Variants in PTDSS2 observed in about 807,000 individuals in gnomAD.
PTDSS2 encodes the protein phosphatidylserine synthase 2.
PTDSS2 carries 41 observed loss-of-function variants against 64.7 expected under a neutral mutation model. The observed-to-expected ratio is 0.63, with a 90% confidence interval of 0.49 to 0.82. The LOEUF (loss-of-function observed/expected upper bound fraction) is 0.82, where lower values mean the gene tolerates loss of function less well. Among genes scored for constraint, PTDSS2 ranks in the 40% least tolerant of loss-of-function variants. PTDSS2 has a pLI of 0.00. For synonymous variants in PTDSS2, 297 were observed against 277.8 expected (o/e 1.07, Z -0.69); for missense variants, 485 against 650.0 (o/e 0.75, Z 2.76).
intron 1 of PTDSS2, among the ~76,000 whole-genome samples, chr11:453,950 C>T (rs578018939): frequency 1.3e-5 from 2 of 152,352 alleles, no homozygotes; most frequent in Admixed American, 1.3e-4. Flanking sequence ...TGTGTCTGAT[C>T]ACAGGACATA....
At chr11:455,243 C>T (rs1312628353) in intron 1 of PTDSS2, among the ~76,000 whole-genome samples, 1 of 152,222 alleles carries the variant, frequency 6.6e-6, no homozygotes, top group African/African-American at 2.4e-5. Flanking sequence ...GTTAGCCTCC[C>T]TTAGGCTGGG....
chr11:488,812 A>G (rs1238676063), intron 8 of PTDSS2, among the ~76,000 whole-genome samples, 165 bp downstream of exon 8: 1 of 151,936 alleles, frequency 6.6e-6, no homozygotes, highest in African/African-American at 2.4e-5. Context: ...ACCTGGTGTC[A>G]CTCAAGCCCG....
chr11:486,384 C>T (rs770773331), intron 4 of PTDSS2, among the ~76,000 whole-genome samples: 20 of 152,310 alleles, frequency 1.3e-4, no homozygotes, highest in Non-Finnish European at 2.6e-4. Flanking sequence ...TGTCCTGAAG[C>T]GCACCTGTGC....
Position 490,730 on chromosome 11 carries a change from G to C in PTDSS2, c.*148G>C. The C allele has an allele frequency of 1.3e-6, 1 of 762,760 alleles. No homozygotes were observed. The highest frequency in any genetic ancestry group is 2.9e-5 in the Admixed American group (1 of 34,752). The allele number at this position is 762,760 out of a possible 1,614,324, so 47.2% of individuals were successfully genotyped here. A position where few individuals can be genotyped will look rare whatever the true frequency, so the allele number is the denominator to read the frequency against. On this transcript the variant is annotated 3_prime_UTR_variant, in exon 12 of 12. Transcript: ENST00000308020. ...GCACCTGGCGAGGCTGAAGGCGAGG[G>C]GTGGAGGAGGCCCCAGCACAGCCTC...
In PTDSS2 at chr11:479,581, G is replaced by A. The variant is rs554104657; in HGVS notation, c.435+429G>A. The A allele has an allele frequency of 8.9e-6, 2 of 225,358 alleles. No individual in the cohort carries two copies. Among genetic ancestry groups the A allele is most frequent in the African/African-American group, 4.7e-5 (2 of 42,908 alleles). The allele number at this position is 225,358 out of a possible 1,614,324, so 14.0% of individuals were successfully genotyped here. ...AAGGGAGCCGCAAGTCAGGTCCTGC[G>A]ATGCAGGCCAGCGTCTGCATGGCCG... is the stretch of plus-strand genomic sequence containing the variant. On this transcript the variant is annotated intron_variant, in intron 4 of 11. Transcript: ENST00000308020. The surrounding 1 kb of genome is among the most constrained non-coding windows in gnomAD (Gnocchi z 4.2).
chr11:489,364 C>T, intron 8 of PTDSS2, 36 bp from the exon 9 acceptor site: 2 of 1,579,402 alleles, frequency 1.3e-6, no homozygotes, highest in East Asian at 2.2e-5. Flanking sequence ...GTTCGGTGGG[C>T]TGCCTTCCTC....
chr11:479,066 C>T lies in PTDSS2; in HGVS notation c.368-19C>T, dbSNP rs372306156. ...GGCCTGGACCGGGCGCACTAACGTT[C>T]TGTCGTCTGTCTTTGTAGCTTACTG... is the stretch of plus-strand genomic sequence containing the variant. On this transcript the variant is annotated intron_variant, in intron 3 of 11. Transcript: ENST00000308020. The surrounding 1 kb of genome is among the most constrained non-coding windows in gnomAD (Gnocchi z 4.2). 3.8e-5 allele frequency: 62 copies of T among 1,612,918 alleles called. No homozygotes were observed. Among genetic ancestry groups the T allele is most frequent in the Non-Finnish European group, 5.1e-5 (60 of 1,178,954 alleles).
intron 3 of PTDSS2, among the ~76,000 whole-genome samples, chr11:478,476 G>A (rs1273664869): frequency 6.6e-6 from 1 of 151,638 alleles, no homozygotes; most frequent in African/African-American, 2.4e-5. Flanking sequence ...GCCAGCCACA[G>A]TAGCTCACAC....
At chr11:490,210 C>A in intron 11 of PTDSS2, 142 bp downstream of exon 11, 1 of 1,155,406 alleles carries the variant, frequency 8.7e-7, no homozygotes, top group Non-Finnish European at 1.2e-6. Context: ...AGGCGCCTTT[C>A]CTGACCCAGC....
chr11:468,892 GTC>G (rs1368363503), intron 2 of PTDSS2, among the ~76,000 whole-genome samples: 1 of 149,710 alleles, frequency 6.7e-6, no homozygotes, highest in African/African-American at 2.5e-5. Context: ...AAGGAGGGGA[GTC>G]TCTGGGTAAT....
At chr11:458,627 T>G (rs1468481469) in intron 1 of PTDSS2, 1 of 145,518 alleles carries the variant, frequency 6.9e-6, no homozygotes, top group Admixed American at 7.1e-5. Flanking sequence ...ATCTGCCACC[T>G]CCCGAGTAGC....
At position 460,062 on chromosome 11, in the gene PTDSS2, T is replaced by G; in HGVS notation, c.183-125T>G. The G allele has an allele frequency of 1.4e-6, 1 of 700,024 alleles. No homozygotes were observed. Among genetic ancestry groups the G allele is most frequent in the Non-Finnish European group, 2.5e-6 (1 of 397,630 alleles). The allele number at this position is 700,024 out of a possible 1,614,324, so 43.4% of individuals were successfully genotyped here. On this transcript the variant is annotated intron_variant, in intron 1 of 11. Coordinates refer to ENST00000308020, the MANE Select transcript of PTDSS2 (RefSeq NM_030783.3). This position sits in a 1 kb window ranked among gnomAD's most constrained non-coding sequence, Gnocchi z 5.8. ...CTAGGGACTCGCAGCCAGTTGCTGG[T>G]TGGGAGTTGGAGAGTGGAGTTTAAG...
Position 479,399 on chromosome 11 carries a change from G to C in PTDSS2, c.435+247G>C. On this transcript the variant is annotated intron_variant, in intron 4 of 11. Coordinates refer to ENST00000308020, the MANE Select transcript of PTDSS2 (RefSeq NM_030783.3). The surrounding 1 kb of genome is among the most constrained non-coding windows in gnomAD (Gnocchi z 4.2). Reference sequence around the variant, plus strand: ...CTGCGGGGGGCCTCCAGGAGCATCTGCTGGTGGGGCGCTGACTGTGGCCAT... The same window carrying C: ...CTGCGGGGGGCCTCCAGGAGCATCTCCTGGTGGGGCGCTGACTGTGGCCAT... 1 of 582,878 alleles carries C rather than the reference G, an allele frequency of 1.7e-6. No homozygotes were observed. The highest frequency in any genetic ancestry group is 3.1e-6 in the Non-Finnish European group (1 of 327,438). The allele number at this position is 582,878 out of a possible 1,614,324, so 36.1% of individuals were successfully genotyped here.
intron 3 of PTDSS2, among the ~76,000 whole-genome samples, chr11:477,500 C>T (rs1044446637): frequency 3.9e-5 from 6 of 152,132 alleles, no homozygotes; most frequent in African/African-American, 1.4e-4. Flanking sequence ...TATTCCGGGG[C>T]GGCAGCCTGG....
At chr11:484,277 G>A (rs1417484456) in intron 4 of PTDSS2, among the ~76,000 whole-genome samples, 1 of 152,140 alleles carries the variant, frequency 6.6e-6, no homozygotes, top group Non-Finnish European at 1.5e-5. Flanking sequence ...TTTTTCTGAG[G>A]ACATCCTGAC....
intron 2 of PTDSS2, among the ~76,000 whole-genome samples, chr11:468,440 C>T (rs981832003): frequency 7.9e-5 from 12 of 152,210 alleles, no homozygotes; most frequent in Admixed American, 3.3e-4. Flanking sequence ...ACGAGCAGAC[C>T]GTGTGCAGAT....
chr11:453,259 G>C (rs1315546848), intron 1 of PTDSS2, among the ~76,000 whole-genome samples: 1 of 152,192 alleles, frequency 6.6e-6, no homozygotes, highest in Non-Finnish European at 1.5e-5. Context: ...TAGATCCACA[G>C]ACTCCGAGAA....
rs562263809 is a variant in PTDSS2 at position 462,455 on chromosome 11, G to A, written c.284+2167G>A. Reference sequence around the variant, plus strand: ...GTTCTGTTCTGGGGACACTAAACGCGCTCCCAACTCACATTCTCTTTCCCC... The same window carrying A: ...GTTCTGTTCTGGGGACACTAAACGCACTCCCAACTCACATTCTCTTTCCCC... On this transcript the variant is annotated intron_variant, in intron 2 of 11. Coordinates refer to ENST00000308020, the MANE Select transcript of PTDSS2 (RefSeq NM_030783.3). The surrounding 1 kb of genome is among the most constrained non-coding windows in gnomAD (Gnocchi z 4.5). Among the ~76,000 whole-genome samples, 4 of 152,174 alleles carry A rather than the reference G, an allele frequency of 2.6e-5. No individual in the cohort carries two copies. The highest frequency in any genetic ancestry group is 7.2e-5 in the African/African-American group (3 of 41,438).
rs1848486107 is a variant in PTDSS2, at chr11:488,130, T to C, written c.622-69T>C. The C allele has an allele frequency of 2.5e-6, 3 of 1,184,054 alleles. No homozygotes were observed. The Admixed American group carries it at 5.3e-5, about 21-fold the overall frequency. The allele number at this position is 1,184,054 out of a possible 1,614,324, so 73.3% of individuals were successfully genotyped here. ...TCTGGCTGCCAGCCGGGGTGGGGGC[T>C]GCACGCACCCGTGGGCAGGGCCGGG... On this transcript the variant is annotated intron_variant, in intron 6 of 11. Coordinates refer to ENST00000308020, the MANE Select transcript of PTDSS2 (RefSeq NM_030783.3).
Sources: gnomAD v4.1 joint callset for allele counts (sites outside exome capture counted in the v4.1 genomes callset) on GRCh38, gnomAD v4.1.1 for gene constraint, Gnocchi (gnomAD v3.1) non-coding constraint, MANE v1.5 for transcripts, NCBI Gene and HGNC (gene_info 2026-07-23, HGNC 2026-07-21) for gene names.